ZC3HAV1: variants seen among roughly 807,000 people sequenced by gnomAD.
ZC3HAV1 encodes the protein zinc finger CCCH-type antiviral protein 1.
ZC3HAV1 carries 41 observed loss-of-function variants against 86.6 expected under a neutral mutation model. The observed-to-expected ratio is 0.47, with a 90% confidence interval of 0.37 to 0.61. ZC3HAV1 has a LOEUF of 0.61. Among genes scored for constraint, ZC3HAV1 ranks in the 20% least tolerant of loss-of-function variants. The probability of loss-of-function intolerance (pLI) is 0.00; values close to 1 mark genes in which losing one functional copy is unlikely to be tolerated. For missense variants in ZC3HAV1, 964 were observed against 1,141.1 expected (o/e 0.84, Z 2.24); for synonymous variants, 421 against 432.1 (o/e 0.97, Z 0.32).
rs376183323 is a variant in ZC3HAV1 at position 139,080,087 on chromosome 7, A to T, written c.854T>A (p.Leu285Gln). ...SPDQISHRAS[L>Q]EDAPVDDLTR... ...GAGATCGTCCACAGGCGCGTCCTCC[A>T]GGGAAGCCCTGTGGCTGATCTGATC... Residue 285 changes from leucine (L) to glutamine (Q), a missense_variant, in exon 4 of 13, where the codon CTG becomes CAG. Physicochemically the swap from Leu to Gln is moderately radical, Grantham distance 113. Coordinates refer to ENST00000242351, the MANE Select transcript of ZC3HAV1 (RefSeq NM_020119.4). The T allele has an allele frequency of 6.2e-7, 1 of 1,614,154 alleles. No individual in the cohort carries two copies. Among genetic ancestry groups the T allele is most frequent in the Non-Finnish European group, 8.5e-7 (1 of 1,180,022 alleles).
At chr7:139,097,429 T>TATATATATATATTTTTTA (rs1491244234) in intron 1 of ZC3HAV1, among the ~76,000 whole-genome samples, 1 of 56,876 alleles carries the variant, frequency 1.8e-5, no homozygotes, top group African/African-American at 1.1e-4. Context: ...TATATATATA[T>TATATATATATATTTTTTA]TTTTTTTTTT....
chr7:139,079,662 G>C lies in ZC3HAV1; in HGVS notation c.1279C>G (p.Leu427Val). The C allele has an allele frequency of 6.2e-7, 1 of 1,614,182 alleles. No homozygotes were observed. Among genetic ancestry groups the C allele is most frequent in the Non-Finnish European group, 8.5e-7 (1 of 1,180,038 alleles). ...ACTCCATCAGCATTATTATTAAAAA[G>C]AGGGCCAGGCTGGATGTCCTGAGTT... ...SGTQDIQPGP[L>V]FNNNADGVAT... is the part of the protein sequence containing the mutation. The change falls in exon 4 of 13, where the codon CTT becomes GTT. Residue 427 changes from leucine to valine, a missense_variant. By Grantham distance (32) the Leu-to-Val change is conservative (BLOSUM62 1). Coordinates refer to ENST00000242351, the MANE Select transcript of ZC3HAV1 (RefSeq NM_020119.4).
intron 3 of ZC3HAV1, among the ~76,000 whole-genome samples, chr7:139,081,580 T>C (rs1054335750): frequency 3.9e-5 from 6 of 152,202 alleles, no homozygotes; most frequent in African/African-American, 1.4e-4. Flanking sequence ...TACTTTCTAG[T>C]GATGTGAGGC....
At chr7:139,083,460 G>A (rs1044049993) in intron 3 of ZC3HAV1, among the ~76,000 whole-genome samples, 1 of 152,122 alleles carries the variant, frequency 6.6e-6, no homozygotes, top group Non-Finnish European at 1.5e-5. Flanking sequence ...CGGGTGCAGT[G>A]GCTCATGCTT....
chr7:139,080,177 T>C lies in ZC3HAV1; in HGVS notation c.764A>G (p.Gln255Arg), dbSNP rs754382370. The change falls in exon 4 of 13, where the codon CAG becomes CGG. Residue 255 changes from glutamine (Q) to arginine (R), a missense_variant. Gln to Arg is a conservative substitution (Grantham distance 43, BLOSUM62 1). Coordinates refer to ENST00000242351, the MANE Select transcript of ZC3HAV1 (RefSeq NM_020119.4). ...ARSKSRDRFF[Q>R]GSQEFLASAS... ...AGACGCAAGAAATTCTTGGCTGCCC[T>C]GAAAGAACCGATCTCTACTCTTGCT... 1.2e-6 allele frequency: 2 copies of C among 1,614,134 alleles called. No homozygotes were observed. Among genetic ancestry groups the C allele is most frequent in the Non-Finnish European group, 1.7e-6 (2 of 1,180,024 alleles).
intron 6 of ZC3HAV1, 87 bp from the exon 7 acceptor site, chr7:139,074,117 T>A: frequency 1.5e-6 from 2 of 1,334,682 alleles, no homozygotes; most frequent in Non-Finnish European, 2.0e-6. Context: ...AGCACAGAAT[T>A]AAACTTTCAG....
intron 1 of ZC3HAV1, among the ~76,000 whole-genome samples, chr7:139,103,182 G>A (rs898555046): frequency 2.0e-5 from 3 of 150,276 alleles, no homozygotes; most frequent in Admixed American, 6.6e-5. Flanking sequence ...CTAGGACTAT[G>A]GGCATGCACC....
At chr7:139,067,045 G>A (rs999020373) in intron 7 of ZC3HAV1, among the ~76,000 whole-genome samples, 12 of 152,192 alleles carry the variant, frequency 7.9e-5, no homozygotes, top group Admixed American at 2.6e-4. Context: ...AGCCTCTAGG[G>A]TCTAGACCAG....
At chr7:139,061,706 C>G (rs1378565821) in intron 8 of ZC3HAV1, among the ~76,000 whole-genome samples, 2 of 152,176 alleles carry the variant, frequency 1.3e-5, no homozygotes, top group East Asian at 3.8e-4. Flanking sequence ...TTAGCAATCC[C>G]ATTTCTGGGT....
In ZC3HAV1 at chr7:139,076,766, C is replaced by T. The variant is rs191317040; in HGVS notation, c.1574-357G>A. Among the ~76,000 whole-genome samples the T allele has an allele frequency of 1.2e-4, 19 of 152,056 alleles. No individual in the cohort carries two copies. In the South Asian group the frequency reaches 2.3e-3, roughly 18 times the overall value. On this transcript the variant is annotated intron_variant, in intron 5 of 12. Coordinates refer to ENST00000242351, the MANE Select transcript of ZC3HAV1 (RefSeq NM_020119.4). ...AATTAGCCAGGCATGGTAGTGGGTGCCTGTAATCCCAGCTTCTCGGGAGAC... is the reference window on the plus strand; with the variant it reads ...AATTAGCCAGGCATGGTAGTGGGTGTCTGTAATCCCAGCTTCTCGGGAGAC...
At chr7:139,052,620 A>C (rs1225751575) in intron 12 of ZC3HAV1, among the ~76,000 whole-genome samples, 14 of 149,556 alleles carry the variant, frequency 9.4e-5, no homozygotes, top group African/African-American at 2.5e-4. Flanking sequence ...AAAAAAAAAA[A>C]AAAAAAAAAG....
Position 139,053,961 on chromosome 7 carries a change from C to A in ZC3HAV1, c.2318+4G>T. The A allele has an allele frequency of 1.2e-6, 2 of 1,602,672 alleles. No homozygotes were observed. Among genetic ancestry groups the A allele is most frequent in the East Asian group, 2.2e-5 (1 of 44,514 alleles). ...TAAAGAAACACGATAACGTGGCCACCAACCATGTAAATTTATCCAGGAGCT... is the reference window on the plus strand; with the variant it reads ...TAAAGAAACACGATAACGTGGCCACAAACCATGTAAATTTATCCAGGAGCT... On this transcript the variant is annotated splice_donor_region_variant and intron_variant, in intron 11 of 12. Coordinates refer to ENST00000242351, the MANE Select transcript of ZC3HAV1 (RefSeq NM_020119.4).
chr7:139,105,250 T>C (rs1026760911), intron 1 of ZC3HAV1, among the ~76,000 whole-genome samples: 6 of 152,016 alleles, frequency 3.9e-5, no homozygotes, highest in African/African-American at 1.4e-4. Flanking sequence ...AGATCTAGGT[T>C]CAAATACCAA....
chr7:139,094,163 CAGG>C (rs767866968), intron 1 of ZC3HAV1, among the ~76,000 whole-genome samples: 11 of 152,126 alleles, frequency 7.2e-5, no homozygotes, highest in Non-Finnish European at 1.5e-4. Context: ...ATCACCTAGA[CAGG>C]AGGTCCATTA....
chr7:139,074,089 C>G, intron 6 of ZC3HAV1, 59 bp from the exon 7 acceptor site: 1 of 1,510,208 alleles, frequency 6.6e-7, no homozygotes, highest in African/African-American at 1.4e-5. Context: ...TTTCTACAAT[C>G]TCGTCTTCCC....
chr7:139,072,162 A>T (rs920565161), intron 7 of ZC3HAV1, among the ~76,000 whole-genome samples: 4 of 151,904 alleles, frequency 2.6e-5, no homozygotes, highest in African/African-American at 9.7e-5. Context: ...AATATGTAGA[A>T]CCTTACGCTG....
chr7:139,085,883 G>A (rs1817261207), intron 2 of ZC3HAV1, among the ~76,000 whole-genome samples: 1 of 152,010 alleles, frequency 6.6e-6, no homozygotes, highest in East Asian at 1.9e-4. Flanking sequence ...GTGTGGTGGT[G>A]TATGGCTGTA....
At chr7:139,097,985 C>T (rs1006184739) in intron 1 of ZC3HAV1, among the ~76,000 whole-genome samples, 1 of 151,954 alleles carries the variant, frequency 6.6e-6, no homozygotes, top group African/African-American at 2.4e-5. Flanking sequence ...CACGCTGTCG[C>T]CCAGGTTGGA....
intron 9 of ZC3HAV1, among the ~76,000 whole-genome samples, chr7:139,059,460 T>C (rs1402072040): frequency 2.6e-5 from 4 of 151,870 alleles, no homozygotes; most frequent in Non-Finnish European, 4.4e-5. Context: ...CTATTAAAAA[T>C]ACAAAAATTA....
Sources: gnomAD v4.1 joint callset for allele counts (sites outside exome capture counted in the v4.1 genomes callset) on GRCh38, gnomAD v4.1.1 for gene constraint, MANE v1.5 for transcripts, NCBI Gene and HGNC (gene_info 2026-07-23, HGNC 2026-07-21) for gene names.